Variants in AGAP1 observed in about 807,000 individuals in gnomAD.
AGAP1 encodes the protein ArfGAP with GTPase domain, ankyrin repeat and PH domain 1.
A neutral mutation model predicts 105.3 loss-of-function variants in AGAP1; 29 were observed. The observed-to-expected ratio is 0.28, with a 90% CI of 0.21 to 0.38. AGAP1 has a LOEUF of 0.38. Among genes scored for constraint, AGAP1 ranks in the 10% least tolerant of loss-of-function variants. AGAP1 has a pLI of 1.00. For synonymous variants in AGAP1, 509 were observed against 485.9 expected (o/e 1.05, Z -0.63); for missense variants, 998 against 1,165.1 (o/e 0.86, Z 2.09).
At chr2:235,871,716 G>T (rs2106564343) in intron 9 of AGAP1, among the ~76,000 whole-genome samples, 1 of 152,332 alleles carries the variant, frequency 6.6e-6, no homozygotes, top group South Asian at 2.1e-4. Context: ...ATAACACTGT[G>T]GCTGAGACCT....
At position 235,494,795 on chromosome 2, in the gene AGAP1, G is replaced by C. The variant is rs745570362; in HGVS notation, c.109G>C (p.Val37Leu). 6.3e-7 allele frequency: 1 copy of C among 1,585,154 alleles called. No individual in the cohort carries two copies. Reference protein sequence around the residue: ...IYSIYELLERVEEPVLQNQIR... With the variant: ...IYSIYELLERLEEPVLQNQIR... ...CTCCATCTACGAGCTGCTGGAGCGC[G>C]TGGAGGAGCCGGTGCTGCAGAACCA... is the stretch of plus-strand genomic sequence containing the variant. Residue 37 changes from valine to leucine, a missense_variant, in exon 1 of 18, where the codon GTG becomes CTG. Physicochemically the swap from Val to Leu is conservative, Grantham distance 32 (BLOSUM62 1). This residue lies in a region of AGAP1 where 735 missense variants were observed against 833.4 expected (regional missense o/e 0.88). Coordinates refer to ENST00000304032, the MANE Select transcript of AGAP1 (RefSeq NM_001037131.3).
chr2:236,075,716 C>T (rs193174892), intron 16 of AGAP1, among the ~76,000 whole-genome samples: 10 of 152,318 alleles, frequency 6.6e-5, no homozygotes, highest in Admixed American at 5.2e-4. Context: ...CCAAACCTCA[C>T]AGGCCTTTCT....
At position 235,882,369 on chromosome 2, in the gene AGAP1, AT is replaced by A; in HGVS notation, c.1051-973del. ...AGGAAATCCTCCGGGCTCTTAGGAA[AT>A]TTCACTCCGCTTCTGCCCAGTGGTC... On this transcript the variant is annotated intron_variant, in intron 9 of 17. Coordinates refer to ENST00000304032, the MANE Select transcript of AGAP1 (RefSeq NM_001037131.3). The surrounding 1 kb of genome is among the most constrained non-coding windows in gnomAD (Gnocchi z 4.6). 1 of 1,466,024 alleles carries A rather than the reference AT, an allele frequency of 6.8e-7. No homozygotes were observed. Among genetic ancestry groups the A allele is most frequent in the Non-Finnish European group, 9.4e-7 (1 of 1,061,806 alleles). 90.8% of individuals were successfully genotyped at this position (1,466,024 alleles called of 1,614,324 possible). A position where few individuals can be genotyped will look rare whatever the true frequency, so the allele number is the denominator to read the frequency against.
At chr2:236,122,680 A>ATTTTTTTTT (rs71039713) in intron 17 of AGAP1, among the ~76,000 whole-genome samples, 2 of 123,604 alleles carry the variant, frequency 1.6e-5, no homozygotes, top group African/African-American at 3.2e-5. Context: ...TCCAGTGACA[A>ATTTTTTTTT]TTTTTTTTTT....
intron 1 of AGAP1, among the ~76,000 whole-genome samples, chr2:235,658,915 C>A (rs2149335787): frequency 6.6e-6 from 1 of 152,360 alleles, no homozygotes; most frequent in East Asian, 1.9e-4. Flanking sequence ...TGAGTACTTT[C>A]TCCGAAAGCT....
intron 13 of AGAP1, among the ~76,000 whole-genome samples, chr2:236,016,663 A>G (rs1018556437): frequency 2.0e-5 from 3 of 152,140 alleles, no homozygotes; most frequent in South Asian, 4.1e-4. Context: ...TTCTCAGGTA[A>G]TACACAGCAT....
In AGAP1 at chr2:235,740,227, C is replaced by T. The variant is rs1200428991; in HGVS notation, c.311-736C>T. Among the ~76,000 whole-genome samples the T allele has an allele frequency of 6.6e-6, 1 of 152,048 alleles. No individual in the cohort carries two copies. The highest frequency in any genetic ancestry group is 2.4e-5 in the African/African-American group (1 of 41,392). ...ACCTTGTACCATCCCCTCCTGAGAG[C>T]ATCAGGGGCCGGGACGTCCAAGGTA... On this transcript the variant is annotated intron_variant, in intron 3 of 17. Coordinates refer to ENST00000304032, the MANE Select transcript of AGAP1 (RefSeq NM_001037131.3). The surrounding 1 kb of genome is among the most constrained non-coding windows in gnomAD (Gnocchi z 5.7).
At chr2:235,502,647 T>C (rs1941611365) in intron 1 of AGAP1, among the ~76,000 whole-genome samples, 1 of 151,988 alleles carries the variant, frequency 6.6e-6, no homozygotes, top group Non-Finnish European at 1.5e-5. Context: ...TCTTTAAAAC[T>C]GCTCATGCCG....
In AGAP1 at chr2:235,843,551, G is replaced by A. The variant is rs532215442; in HGVS notation, c.1050+36220G>A. Among the ~76,000 whole-genome samples the A allele has an allele frequency of 7.2e-5, 11 of 152,180 alleles. No homozygotes were observed. The highest frequency in any genetic ancestry group is 1.4e-4 in the African/African-American group (6 of 41,486). On this transcript the variant is annotated intron_variant, in intron 9 of 17. Transcript: ENST00000304032. This position sits in a 1 kb window ranked among gnomAD's most constrained non-coding sequence, Gnocchi z 5.9. ...CTGTGGGATGCCTCCGCCTCCCTTC[G>A]TTCCCCATTTGCAGCCTCTAGGTGC... is the stretch of plus-strand genomic sequence containing the variant.
chr2:235,855,253 G>A lies in AGAP1; in HGVS notation c.1051-28092G>A, dbSNP rs973579555. 2.6e-5 allele frequency among the ~76,000 whole-genome samples: 4 copies of A among 152,204 alleles called. No individual in the cohort carries two copies. The highest frequency in any genetic ancestry group is 9.7e-5 in the African/African-American group (4 of 41,448). ...GAAATGGAAGCGTGAGGTCATCCCT[G>A]TGATCAGTAACAAAAGTCTACCTGG... is the stretch of plus-strand genomic sequence containing the variant. On this transcript the variant is annotated intron_variant, in intron 9 of 17. Transcript: ENST00000304032. This position sits in a 1 kb window ranked among gnomAD's most constrained non-coding sequence, Gnocchi z 5.0.
At chr2:236,102,759 C>T (rs1381623437) in intron 16 of AGAP1, among the ~76,000 whole-genome samples, 1 of 152,062 alleles carries the variant, frequency 6.6e-6, no homozygotes, top group African/African-American at 2.4e-5. Context: ...GCGATTTTTC[C>T]TGTAAACGTC....
At chr2:235,604,172 A>G (rs1945837095) in intron 1 of AGAP1, among the ~76,000 whole-genome samples, 1 of 152,002 alleles carries the variant, frequency 6.6e-6, no homozygotes, top group African/African-American at 2.4e-5. Context: ...GTTCAGATGT[A>G]TCATTCCTCC....
chr2:235,803,022 G>A (rs62190875), intron 8 of AGAP1, among the ~76,000 whole-genome samples: 916 of 4,714 alleles, frequency 0.19, 84 homozygotes, highest in African/African-American at 0.27. Context: ...TGTGATGGTG[G>A]TGATGGTTGT....
At chr2:235,542,034 G>A (rs911352779) in intron 1 of AGAP1, among the ~76,000 whole-genome samples, 10 of 152,158 alleles carry the variant, frequency 6.6e-5, no homozygotes, top group Non-Finnish European at 1.5e-4. Flanking sequence ...TATTAAATGG[G>A]TAAGGACCTA....
chr2:235,646,286 A>AAC (rs1379392560), intron 1 of AGAP1, among the ~76,000 whole-genome samples: 1 of 151,746 alleles, frequency 6.6e-6, no homozygotes, highest in Non-Finnish European at 1.5e-5. Context: ...AAAAAAAAAA[A>AAC]AGGTTGTTTT....
At chr2:235,573,043 TTCTTCTTCTTCTTCTTCTTTCTTC>T (rs1944608231) in intron 1 of AGAP1, among the ~76,000 whole-genome samples, 4 of 16,170 alleles carry the variant, frequency 2.5e-4, no homozygotes, top group Non-Finnish European at 4.0e-4. Context: ...CTTCTTCTTC[TTCTTCTTCTTCTTCTTCTTTCTTC>T]TTTCTTCTTT....
rs1951368990 is a variant in AGAP1, at chr2:235,721,278, G to A, written c.310+3634G>A. On this transcript the variant is annotated intron_variant, in intron 3 of 17. Coordinates refer to ENST00000304032, the MANE Select transcript of AGAP1 (RefSeq NM_001037131.3). This position sits in a 1 kb window ranked among gnomAD's most constrained non-coding sequence, Gnocchi z 4.5. ...CTGCCTGGGCCTCCCAAAGTGCTGGGATTACAGGCATGAGCCACCACGTCC... is the reference window on the plus strand; with the variant it reads ...CTGCCTGGGCCTCCCAAAGTGCTGGAATTACAGGCATGAGCCACCACGTCC... Among the ~76,000 whole-genome samples, 1 of 152,186 alleles carries A rather than the reference G, an allele frequency of 6.6e-6. No individual in the cohort carries two copies. Among genetic ancestry groups the A allele is most frequent in the Admixed American group, 6.5e-5 (1 of 15,282 alleles).
At chr2:235,501,740 T>G (rs376203372) in intron 1 of AGAP1, among the ~76,000 whole-genome samples, 1 of 152,178 alleles carries the variant, frequency 6.6e-6, no homozygotes, top group Non-Finnish European at 1.5e-5. Flanking sequence ...CGTTTCGTCT[T>G]ATGTTTCTCT....
At chr2:235,704,181 T>G (rs940838439) in intron 1 of AGAP1, among the ~76,000 whole-genome samples, 3 of 152,216 alleles carry the variant, frequency 2.0e-5, no homozygotes, top group Middle Eastern at 3.2e-3. Context: ...GGTAGGAGTT[T>G]AGCCTCAGTA....
Sources: gnomAD v4.1 joint callset for allele counts (sites outside exome capture counted in the v4.1 genomes callset) on GRCh38, gnomAD v4.1.1 for gene constraint, gnomAD v4.1.1 regional missense constraint, Gnocchi (gnomAD v3.1) non-coding constraint, MANE v1.5 for transcripts, NCBI Gene and HGNC (gene_info 2026-07-23, HGNC 2026-07-21) for gene names.